Variants in RBMS3 observed in about 807,000 individuals in gnomAD.
The protein encoded by RBMS3 is RNA binding motif single stranded interacting protein 3.
RBMS3 carries 27 observed loss-of-function variants against 66.8 expected under a neutral mutation model. The ratio of observed to expected loss-of-function variants is 0.40; its 90% CI spans 0.30 to 0.56. The LOEUF (loss-of-function observed/expected upper bound fraction) is 0.56, where lower values mean the gene tolerates loss of function less well. Among genes scored for constraint, RBMS3 ranks in the 20% least tolerant of loss-of-function variants. The pLI, the probability that RBMS3 is intolerant of heterozygous loss-of-function variation, is 0.40. For synonymous variants in RBMS3, 188 were observed against 183.0 expected (o/e 1.03, Z -0.22); for missense variants, 513 against 549.5 (o/e 0.93, Z 0.66).
At chr3:29,408,098 C>A (rs2040101808) in intron 1 of RBMS3, among the ~76,000 whole-genome samples, 1 of 151,502 alleles carries the variant, frequency 6.6e-6, no homozygotes, top group African/African-American at 2.4e-5. Flanking sequence ...CGGTGAAACC[C>A]CGTCTCTACT....
At chr3:29,801,280 T>C (rs867765337) in intron 6 of RBMS3, among the ~76,000 whole-genome samples, 1 of 65,950 alleles carries the variant, frequency 1.5e-5, no homozygotes, top group Non-Finnish European at 4.3e-5. Flanking sequence ...TTCTTTTTTT[T>C]TTTTTGAGAC....
rs532724259 is a variant in RBMS3 at position 29,328,404 on chromosome 3, C to G, written c.75+46648C>G. 2.0e-5 allele frequency among the ~76,000 whole-genome samples: 3 copies of G among 152,214 alleles called. No homozygotes were observed. The South Asian group carries it at 6.2e-4, about 32-fold the overall frequency. ...TTTTAAAGCTTGTGGAATGAAACGA[C>G]AAAAAGGACATTGGTATTACACAGT... On this transcript the variant is annotated intron_variant, in intron 1 of 14. Transcript: ENST00000383767.
chr3:29,981,216 A>G (rs1478173928), intron 12 of RBMS3, among the ~76,000 whole-genome samples: 1 of 152,180 alleles, frequency 6.6e-6, no homozygotes, highest in Non-Finnish European at 1.5e-5. Flanking sequence ...GAGTTCACTC[A>G]TGATTTGGCT....
intron 3 of RBMS3, among the ~76,000 whole-genome samples, chr3:29,498,485 C>T (rs2043845789): frequency 6.6e-6 from 1 of 151,990 alleles, no homozygotes; most frequent in South Asian, 2.1e-4. Context: ...TGTGTGTATT[C>T]AGTTCACTAA....
At chr3:29,905,418 A>G (rs1411471805) in intron 10 of RBMS3, among the ~76,000 whole-genome samples, 1 of 152,062 alleles carries the variant, frequency 6.6e-6, no homozygotes, top group African/African-American at 2.4e-5. Flanking sequence ...TGAGATTAAG[A>G]TTCAAAATTT....
intron 4 of RBMS3, among the ~76,000 whole-genome samples, chr3:29,618,728 G>A (rs537918658): frequency 7.2e-5 from 11 of 152,150 alleles, no homozygotes; most frequent in South Asian, 2.1e-4. Context: ...TTCCAGGGGC[G>A]TCTATGAGGA....
intron 12 of RBMS3, among the ~76,000 whole-genome samples, chr3:29,974,894 G>A (rs190226718): frequency 0.089 from 11,327 of 126,692 alleles, 21 homozygotes; most frequent in Non-Finnish European, 0.12. Flanking sequence ...TATAAAATAC[G>A]TTTCTATATT....
intron 1 of RBMS3, among the ~76,000 whole-genome samples, chr3:29,345,522 G>T (rs2036524257): frequency 6.6e-6 from 1 of 151,984 alleles, no homozygotes; most frequent in Non-Finnish European, 1.5e-5. Context: ...TTGCTTTTAT[G>T]GGGATTCCTC....
At chr3:29,580,194 T>C (rs1340440788) in intron 3 of RBMS3, among the ~76,000 whole-genome samples, 1 of 152,202 alleles carries the variant, frequency 6.6e-6, no homozygotes, top group Non-Finnish European at 1.5e-5. Context: ...CTTATTTTTG[T>C]CATTTGTGTG....
chr3:29,726,005 C>T (rs1187302677), intron 4 of RBMS3, among the ~76,000 whole-genome samples: 1 of 152,166 alleles, frequency 6.6e-6, no homozygotes, highest in Non-Finnish European at 1.5e-5. Flanking sequence ...AAAAGCTTAT[C>T]CACCACAATC....
chr3:29,788,276 A>G (rs1404547111), intron 6 of RBMS3, among the ~76,000 whole-genome samples: 1 of 149,320 alleles, frequency 6.7e-6, no homozygotes, highest in Non-Finnish European at 1.5e-5. Context: ...CCCAGGCTGG[A>G]GTGCAGTGGC....
At chr3:29,408,402 AT>A (rs1044661874) in intron 1 of RBMS3, among the ~76,000 whole-genome samples, 3 of 152,080 alleles carry the variant, frequency 2.0e-5, no homozygotes, top group African/African-American at 7.2e-5. Flanking sequence ...CTGTGCCTCA[AT>A]TTCCTCATCT....
intron 2 of RBMS3, among the ~76,000 whole-genome samples, chr3:29,463,047 T>A (rs1011051070): frequency 6.6e-6 from 1 of 152,152 alleles, no homozygotes; most frequent in Non-Finnish European, 1.5e-5. Context: ...CTAAAATCTG[T>A]GGAAGAAAAG....
chr3:29,777,277 T>C (rs2056460169), intron 6 of RBMS3, among the ~76,000 whole-genome samples: 1 of 151,966 alleles, frequency 6.6e-6, no homozygotes, highest in Admixed American at 6.6e-5. Context: ...ACAACTGTTG[T>C]ATGCTTATCT....
At chr3:29,401,465 C>G (rs537854151) in intron 1 of RBMS3, among the ~76,000 whole-genome samples, 60 of 152,112 alleles carry the variant, frequency 3.9e-4, no homozygotes, top group Middle Eastern at 3.4e-3. Flanking sequence ...CAATATATAC[C>G]TCTTCATCAT....
intron 1 of RBMS3, among the ~76,000 whole-genome samples, chr3:29,394,236 C>A (rs1285180376): frequency 3.9e-5 from 6 of 152,142 alleles, no homozygotes; most frequent in African/African-American, 1.4e-4. Flanking sequence ...AGCAATATTT[C>A]TCCTATTCGC....
At chr3:29,965,234 G>A (rs990485914) in intron 12 of RBMS3, among the ~76,000 whole-genome samples, 2 of 152,108 alleles carry the variant, frequency 1.3e-5, no homozygotes, top group African/African-American at 4.8e-5. Context: ...CCTCTGGGTA[G>A]ATAACCAGTA....
At chr3:29,876,526 G>T (rs1187928941) in intron 7 of RBMS3, among the ~76,000 whole-genome samples, 2 of 152,086 alleles carry the variant, frequency 1.3e-5, no homozygotes, top group Non-Finnish European at 2.9e-5. Context: ...AGAAAGAGGC[G>T]ATATCAAGAT....
At chr3:29,825,415 A>T (rs2058186016) in intron 6 of RBMS3, among the ~76,000 whole-genome samples, 2 of 152,036 alleles carry the variant, frequency 1.3e-5, no homozygotes, top group African/African-American at 4.8e-5. Flanking sequence ...CCCAAATCTC[A>T]TCTTGAATTT....
Sources: gnomAD v4.1 joint callset for allele counts (sites outside exome capture counted in the v4.1 genomes callset) on GRCh38, gnomAD v4.1.1 for gene constraint, MANE v1.5 for transcripts, NCBI Gene and HGNC (gene_info 2026-07-23, HGNC 2026-07-21) for gene names.